Variants in DCAF4 observed in about 807,000 individuals in gnomAD.
DCAF4 encodes DDB1 and CUL4 associated factor 4, also known as DDB1- and CUL4-associated factor 4.
A neutral mutation model predicts 60.9 loss-of-function variants in DCAF4; 37 were observed. The observed-to-expected ratio is 0.61, with a 90% CI of 0.47 to 0.80. The LOEUF (loss-of-function observed/expected upper bound fraction) is 0.80. DCAF4 is among the 30% of genes least tolerant of loss of function. The pLI is 0.00. For missense variants in DCAF4, 577 were observed against 650.0 expected (o/e 0.89, Z 1.22); for synonymous variants, 243 against 254.8 (o/e 0.95, Z 0.44).
chr14:72,947,052 A>G, intron 7 of DCAF4, 90 bp from the exon 8 acceptor site: 1 of 1,509,722 alleles, frequency 6.6e-7, no homozygotes, highest in Non-Finnish European at 9.2e-7. Flanking sequence ...TGAAGAGAGA[A>G]GTCACACGTC....
intron 2 of DCAF4, 59 bp from the exon 3 acceptor site, chr14:72,939,743 G>T (rs1257900374): frequency 6.7e-7 from 1 of 1,484,282 alleles, no homozygotes; most frequent in South Asian, 1.3e-5. Flanking sequence ...CCCTGCCCCC[G>T]TCAGAATGGC....
At chr14:72,928,010 A>G (rs1489829361) in intron 1 of DCAF4, among the ~76,000 whole-genome samples, 29 of 151,514 alleles carry the variant, frequency 1.9e-4, no homozygotes, top group Admixed American at 1.9e-3. Flanking sequence ...TATGTTGCCC[A>G]GGCTGGTCTT....
At chr14:72,954,594 AAG>A in intron 11 of DCAF4, 111 bp downstream of exon 11, 1 of 1,007,906 alleles carries the variant, frequency 9.9e-7, no homozygotes, top group East Asian at 2.6e-5. Flanking sequence ...ACAGGGGAGA[AAG>A]AGCATCAGAA....
At chr14:72,951,339 C>T (rs1267431199) in intron 8 of DCAF4, among the ~76,000 whole-genome samples, 3 of 152,106 alleles carry the variant, frequency 2.0e-5, no homozygotes, top group East Asian at 3.9e-4. Context: ...TGGCCAGTCA[C>T]GATGGCTCAC....
Position 72,951,874 on chromosome 14 carries a change from C to A in DCAF4, c.805C>A (p.Pro269Thr), listed in dbSNP as rs1478148116. 1 of 1,613,994 alleles carries A rather than the reference C, an allele frequency of 6.2e-7. No homozygotes were observed. The highest frequency in any genetic ancestry group is 1.3e-5 in the African/African-American group (1 of 74,898). Residue 269 changes from proline (P) to threonine (T), a missense_variant, in exon 9 of 14, where the codon CCA becomes ACA. Transcript: ENST00000358377. Reference sequence around the variant, plus strand: ...AGCATCACTGTTCGTCAATAGTCACCCAGGTACAGGGTTCTCCTCCTTTAA... The same window carrying A: ...AGCATCACTGTTCGTCAATAGTCACACAGGTACAGGGTTCTCCTCCTTTAA... ...LPASLFVNSH[P>T]GIDRPGMLCS...
intron 6 of DCAF4, among the ~76,000 whole-genome samples, chr14:72,945,015 G>C (rs1299346640): frequency 2.0e-5 from 3 of 152,062 alleles, no homozygotes; most frequent in Non-Finnish European, 4.4e-5. Context: ...CTTGAACCTG[G>C]GAGTCGGAGA....
chr14:72,935,355 A>G (rs1490995069), intron 1 of DCAF4, among the ~76,000 whole-genome samples: 1 of 151,674 alleles, frequency 6.6e-6, no homozygotes, highest in African/African-American at 2.4e-5. Flanking sequence ...CCTGGGTTCA[A>G]ACGATTCTCC....
chr14:72,961,786 G>A, downstream of DCAF4: 6 of 1,005,386 alleles, frequency 6.0e-6, no homozygotes, highest in Non-Finnish European at 7.2e-6. Context: ...ACCACACCCA[G>A]GGGAATGGGG....
intron 7 of DCAF4, 137 bp downstream of exon 7, chr14:72,946,164 T>G (rs752206794): frequency 9.1e-5 from 106 of 1,158,640 alleles, no homozygotes; most frequent in Non-Finnish European, 1.2e-4. Context: ...GATTTTTTAC[T>G]TGAGCCTAGG....
At chr14:72,930,102 G>A (rs761226651) in intron 1 of DCAF4, among the ~76,000 whole-genome samples, 1 of 152,224 alleles carries the variant, frequency 6.6e-6, no homozygotes, top group Non-Finnish European at 1.5e-5. Flanking sequence ...CTGCACTTCA[G>A]CCAAAAGGGG....
chr14:72,961,718 T>A, downstream of DCAF4: 1 of 596,948 alleles, frequency 1.7e-6, no homozygotes, highest in Non-Finnish European at 2.1e-6. Flanking sequence ...CATTTGAGGA[T>A]TGCGTGTTTG....
intron 1 of DCAF4, chr14:72,935,003 G>A (rs867107280): frequency 2.0e-5 from 3 of 152,358 alleles, no homozygotes; most frequent in South Asian, 4.1e-4. Context: ...AAAGAACAAA[G>A]TAGGATGTTT....
chr14:72,947,154 T>C lies in DCAF4; in HGVS notation c.691T>C (p.Cys231Arg), dbSNP rs1266472219. The change falls in exon 8 of 14, where the codon TGC becomes CGC. Residue 231 changes from cysteine (C) to arginine (R), a missense_variant. By Grantham distance (180) the Cys-to-Arg change is radical (BLOSUM62 -3). Transcript: ENST00000358377. ...YFTNRKVNSV[C>R]WASLNHLDSH... ...GCTTCCTCACCAGGTGAATTCGGTG[T>C]GCTGGGCCTCGCTGAATCACTTGGA... 1 of 1,614,152 alleles carries C rather than the reference T, an allele frequency of 6.2e-7. No homozygotes were observed. The highest frequency in any genetic ancestry group is 2.2e-5 in the East Asian group (1 of 44,878).
At chr14:72,941,416 C>T (rs758407563) in intron 4 of DCAF4, among the ~76,000 whole-genome samples, 5 of 152,178 alleles carry the variant, frequency 3.3e-5, no homozygotes, top group Non-Finnish European at 5.9e-5. Context: ...TGGGTCACCA[C>T]GGGTGGAATG....
intron 1 of DCAF4, chr14:72,927,030 G>A (rs1887655430): frequency 6.6e-6 from 1 of 152,398 alleles, no homozygotes. Context: ...TGATGTCCTT[G>A]TCAGACGCAG....
At chr14:72,949,647 C>T (rs911329477) in intron 8 of DCAF4, among the ~76,000 whole-genome samples, 6 of 151,922 alleles carry the variant, frequency 3.9e-5, no homozygotes, top group South Asian at 4.1e-4. Context: ...CCCAGCTATT[C>T]GGGAAGTTGA....
At chr14:72,943,700 A>C (rs1890344463) in intron 6 of DCAF4, among the ~76,000 whole-genome samples, 1 of 152,178 alleles carries the variant, frequency 6.6e-6, no homozygotes, top group African/African-American at 2.4e-5. Flanking sequence ...GGACCACTGC[A>C]AACAAAGGTC....
At chr14:72,929,817 C>G in intron 1 of DCAF4, 1 of 1,209,752 alleles carries the variant, frequency 8.3e-7, no homozygotes, top group Non-Finnish European at 1.2e-6. Flanking sequence ...CCGCTACAAA[C>G]TTGGTGCGTT....
intron 11 of DCAF4, 57 bp from the exon 12 acceptor site, chr14:72,955,466 C>T (rs2140308980): frequency 6.3e-7 from 1 of 1,581,520 alleles, no homozygotes. Context: ...ACCTGCCCTG[C>T]CCAGCCTCAG....
Sources: allele counts gnomAD v4.1 joint callset (sites outside exome capture counted in the v4.1 genomes callset), GRCh38; gene constraint gnomAD v4.1.1; transcripts MANE v1.5; gene names NCBI Gene and HGNC (gene_info 2026-07-23, HGNC 2026-07-21).